The following MYO18A variants were observed in gnomAD, a reference collection of about 807,000 sequenced individuals.
MYO18A encodes myosin XVIIIA.
In MYO18A, 78 loss-of-function variants were observed where a neutral mutation model predicts 235.8. The ratio of observed to expected loss-of-function variants is 0.33; its 90% confidence interval spans 0.28 to 0.40. MYO18A has a LOEUF of 0.40. Ranked by LOEUF, MYO18A falls within the 10% of genes least tolerant of loss-of-function variation. The pLI is 1.00. For missense variants in MYO18A, 2,215 were observed against 2,699.3 expected (o/e 0.82, Z 3.98); for synonymous variants, 977 against 1,077.8 (o/e 0.91, Z 1.83).
rs2067723010 is a variant in MYO18A, at chr17:29,140,826, A to G, written c.1000-18573T>C. ...TACACACACACACACACACACCAGC[A>G]TGCACGAACATTCAATCAACACAGT... On this transcript the variant is annotated intron_variant, in intron 2 of 41. Coordinates refer to ENST00000527372, the MANE Select transcript of MYO18A (RefSeq NM_078471.4). This position sits in a 1 kb window ranked among gnomAD's most constrained non-coding sequence, Gnocchi z 4.2. 6.6e-6 allele frequency among the ~76,000 whole-genome samples: 1 copy of G among 152,152 alleles called. No individual in the cohort carries two copies. The highest frequency in any genetic ancestry group is 1.5e-5 in the Non-Finnish European group (1 of 68,042).
In MYO18A at chr17:29,111,767, C is replaced by G; in HGVS notation, c.2695G>C (p.Glu899Gln). ...GGGCCATAATAGGAGAAAAGGCGCT[C>G]CAGGAGGGTGTCCTCACTGGCCCCT... ...VPGASEDTLL[E>Q]RLFSYYGPQE... The change falls in exon 16 of 42, where the codon GAG (glutamate) becomes CAG (glutamine). Residue 899 changes from glutamate to glutamine, a missense_variant. Glu to Gln is a conservative substitution (Grantham distance 29). Coordinates refer to ENST00000527372, the MANE Select transcript of MYO18A (RefSeq NM_078471.4). The surrounding 1 kb of genome is among the most constrained non-coding windows in gnomAD (Gnocchi z 5.1). 6.2e-7 allele frequency: 1 copy of G among 1,613,794 alleles called. No homozygotes were observed. The highest frequency in any genetic ancestry group is 8.5e-7 in the Non-Finnish European group (1 of 1,179,808).
At chr17:29,075,795 T>A (rs1331260322) in intron 41 of MYO18A, 2 of 152,734 alleles carry the variant, frequency 1.3e-5, no homozygotes, top group Non-Finnish European at 2.9e-5. Flanking sequence ...CTCCGTCAGT[T>A]CAAGTGCACT....
chr17:29,085,230 CCAAA>C (rs1006647256), intron 40 of MYO18A, among the ~76,000 whole-genome samples: 1 of 152,224 alleles, frequency 6.6e-6, no homozygotes, highest in African/African-American at 2.4e-5. Context: ...CAGATCCAGC[CCAAA>C]CAGACTTTTC....
At chr17:29,159,468 ACAAAAC>A (rs1567640110) in intron 2 of MYO18A, among the ~76,000 whole-genome samples, 1 of 152,184 alleles carries the variant, frequency 6.6e-6, no homozygotes, top group Non-Finnish European at 1.5e-5. Context: ...TAAAAACAAA[ACAAAAC>A]AAACAAAAAA....
chr17:29,129,661 C>T (rs1475665271), intron 2 of MYO18A, among the ~76,000 whole-genome samples: 1 of 152,216 alleles, frequency 6.6e-6, no homozygotes, highest in African/African-American at 2.4e-5. Context: ...GGGCACTGGG[C>T]TCCGTGAAGG....
chr17:29,133,927 G>A, intron 2 of MYO18A: 2 of 1,191,584 alleles, frequency 1.7e-6, no homozygotes, highest in South Asian at 2.6e-5. Context: ...GCCAGAACCT[G>A]CCAGGATAAA....
chr17:29,087,243 G>C (rs1051204329), intron 37 of MYO18A, 122 bp from the exon 38 acceptor site: 133 of 1,015,650 alleles, frequency 1.3e-4, no homozygotes, highest in Non-Finnish European at 1.9e-4. Flanking sequence ...CCGTTCATTG[G>C]CTACCTGGGC....
intron 2 of MYO18A, among the ~76,000 whole-genome samples, chr17:29,153,343 A>G (rs1192131627): frequency 2.0e-5 from 3 of 151,404 alleles, no homozygotes; most frequent in Non-Finnish European, 4.4e-5. Context: ...TTGTCTCACT[A>G]TGTTGCCCAG....
chr17:29,115,083 G>A lies in MYO18A; in HGVS notation c.2335C>T (p.Gln779Ter), dbSNP rs1371483265. The A allele has an allele frequency of 6.2e-7, 1 of 1,613,242 alleles. No homozygotes were observed. Among genetic ancestry groups the A allele is most frequent in the Non-Finnish European group, 8.5e-7 (1 of 1,179,450 alleles). Reference protein sequence around the residue: ...SLVNRALKSSQHSLCSMMIVD... With the variant: ...SLVNRALKSS ...ATCATCATGGAGCAGAGTGAGTGCT[G>A]GCTGGACTTGAGAGCCCTGGATAGG... The change falls in exon 14 of 42, where the codon CAG (glutamine) becomes TAG (stop). Residue 779 changes from glutamine (Q) to a stop codon, truncating the protein, a stop_gained. Transcript: ENST00000527372. LOFTEE classifies it high-confidence loss of function.
rs993405177 is a variant in MYO18A at position 29,114,217 on chromosome 17, G to A, written c.2512-120C>T. Reference sequence around the variant, plus strand: ...GCCAACCTCCTTCTGTGCCGTGCAGGAGCTCCCTCCATCATCCCAAATGAA... The same window carrying A: ...GCCAACCTCCTTCTGTGCCGTGCAGAAGCTCCCTCCATCATCCCAAATGAA... On this transcript the variant is annotated intron_variant, in intron 14 of 41. Transcript: ENST00000527372. 6 of 700,158 alleles carry A rather than the reference G, an allele frequency of 8.6e-6. No homozygotes were observed. In the African/African-American group the frequency reaches 1.1e-4, roughly 12 times the overall value. 43.4% of individuals were successfully genotyped at this position (700,158 alleles called of 1,614,324 possible). A position where few individuals can be genotyped will look rare whatever the true frequency, so the allele number is the denominator to read the frequency against.
intron 32 of MYO18A, 87 bp from the exon 33 acceptor site, chr17:29,093,088 T>C (rs2066438043): frequency 6.7e-7 from 1 of 1,490,960 alleles, no homozygotes; most frequent in Admixed American, 2.1e-5. Context: ...CACGTCCTCA[T>C]TATCAGTGTC....
chr17:29,147,039 C>T (rs906675322), intron 2 of MYO18A, among the ~76,000 whole-genome samples: 4 of 152,126 alleles, frequency 2.6e-5, no homozygotes, highest in Admixed American at 2.0e-4. Context: ...AATGGGGAAA[C>T]GGGGTTTACA....
intron 1 of MYO18A, among the ~76,000 whole-genome samples, chr17:29,170,352 C>G (rs1336774139): frequency 2.0e-5 from 3 of 152,226 alleles, no homozygotes; most frequent in Admixed American, 2.0e-4. Context: ...CTGGTTCTCT[C>G]CTGAGTCTAG....
Position 29,180,217 on chromosome 17 carries a change from C to T in MYO18A, c.-82+96G>A, listed in dbSNP as rs938204118. ...GAGGAGGAGGAGCCGGCGGGCCCCGCCGCCCGCCCGCCCTCCCTCCCGGCC... is the reference window on the plus strand; with the variant it reads ...GAGGAGGAGGAGCCGGCGGGCCCCGTCGCCCGCCCGCCCTCCCTCCCGGCC... On this transcript the variant is annotated intron_variant, in intron 1 of 41. Coordinates refer to ENST00000527372, the MANE Select transcript of MYO18A (RefSeq NM_078471.4). The surrounding 1 kb of genome is among the most constrained non-coding windows in gnomAD (Gnocchi z 6.1). 1.1e-4 allele frequency: 16 copies of T among 148,598 alleles called. No individual in the cohort carries two copies. The highest frequency in any genetic ancestry group is 3.7e-4 in the African/African-American group (15 of 40,934). The allele number at this position is 148,598 out of a possible 1,614,324, so 9.2% of individuals were successfully genotyped here.
intron 17 of MYO18A, 111 bp from the exon 18 acceptor site, chr17:29,110,733 CA>C: frequency 1.8e-6 from 2 of 1,125,134 alleles, no homozygotes; most frequent in Non-Finnish European, 2.5e-6. Context: ...CAGCCACGTC[CA>C]GGGGCCTGGC....
chr17:29,152,804 C>T (rs897957629), intron 2 of MYO18A, among the ~76,000 whole-genome samples: 3 of 151,404 alleles, frequency 2.0e-5, no homozygotes, highest in Admixed American at 2.0e-4. Flanking sequence ...TCACTGCAGC[C>T]TCAAACTCCT....
intron 2 of MYO18A, among the ~76,000 whole-genome samples, chr17:29,148,951 G>A (rs532028596): frequency 2.4e-4 from 36 of 152,352 alleles, no homozygotes; most frequent in African/African-American, 7.9e-4. Context: ...GCCTGGGCGG[G>A]GCCAAGGGGG....
At position 29,121,197 on chromosome 17, in the gene MYO18A, G is replaced by A; in HGVS notation, c.1386C>T (p.Phe462=). 1 of 1,607,794 alleles carries A rather than the reference G, an allele frequency of 6.2e-7. No individual in the cohort carries two copies. Among genetic ancestry groups the A allele is most frequent in the Non-Finnish European group, 8.5e-7 (1 of 1,177,236 alleles). Reference sequence around the variant, plus strand: ...CCATGTCCTCCCGCCGACAACCCTTGAACATGTGCATCACCTTGGGCAGGA... The same window carrying A: ...CCATGTCCTCCCGCCGACAACCCTTAAACATGTGCATCACCTTGGGCAGGA... ...AVYSEKVMHM[F]KGCRREDMAP... is the part of the protein sequence containing the mutation. The change falls in exon 6 of 42, where the codon TTC becomes TTT. Residue 462 remains phenylalanine (F), a synonymous_variant. Coordinates refer to ENST00000527372, the MANE Select transcript of MYO18A (RefSeq NM_078471.4). The surrounding 1 kb of genome is among the most constrained non-coding windows in gnomAD (Gnocchi z 4.2).
intron 2 of MYO18A, among the ~76,000 whole-genome samples, chr17:29,132,580 A>G (rs2067498409): frequency 6.6e-6 from 1 of 152,196 alleles, no homozygotes; most frequent in Admixed American, 6.5e-5. Context: ...AATCATTTAC[A>G]TGATCCACTT....
Sources: allele counts gnomAD v4.1 joint callset (sites outside exome capture counted in the v4.1 genomes callset), GRCh38; gene constraint gnomAD v4.1.1; non-coding constraint Gnocchi (gnomAD v3.1); transcripts MANE v1.5; gene names NCBI Gene and HGNC (gene_info 2026-07-23, HGNC 2026-07-21).